Variants in SCFD2 observed in about 807,000 individuals in gnomAD.
SCFD2 encodes sec1 family domain-containing protein 2.
SCFD2 carries 54 observed loss-of-function variants against 58.9 expected under a neutral mutation model. The ratio of observed to expected loss-of-function variants is 0.92; its 90% CI spans 0.74 to 1.15. SCFD2 has a LOEUF of 1.15. Among genes scored for constraint, SCFD2 ranks in the 50% most tolerant of loss-of-function variants. The probability of loss-of-function intolerance (pLI) is 0.00; values close to 1 mark genes in which losing one functional copy is unlikely to be tolerated. For synonymous variants in SCFD2, 321 were observed against 335.9 expected (o/e 0.96, Z 0.49); for missense variants, 805 against 836.6 (o/e 0.96, Z 0.47).
At chr4:53,218,580 G>C (rs1023632151) in intron 4 of SCFD2, among the ~76,000 whole-genome samples, 2 of 152,128 alleles carry the variant, frequency 1.3e-5, no homozygotes, top group African/African-American at 4.8e-5. Context: ...CTTTGCGATG[G>C]GTTTGCACTT....
chr4:53,000,920 C>T (rs189585580), intron 5 of SCFD2, among the ~76,000 whole-genome samples: 51 of 152,286 alleles, frequency 3.3e-4, no homozygotes, highest in African/African-American at 4.3e-4. Context: ...GTCCATGACC[C>T]GGGGGTTTGG....
intron 5 of SCFD2, among the ~76,000 whole-genome samples, chr4:52,985,856 T>C (rs1721479846): frequency 6.6e-6 from 1 of 151,774 alleles, no homozygotes; most frequent in African/African-American, 2.4e-5. Flanking sequence ...GCCCTACATG[T>C]ACTAGGAAAT....
At chr4:53,338,813 C>T (rs1733766497) in intron 2 of SCFD2, among the ~76,000 whole-genome samples, 1 of 151,692 alleles carries the variant, frequency 6.6e-6, no homozygotes, top group South Asian at 2.1e-4. Flanking sequence ...ATCTCCTGAC[C>T]TCGTGATCCG....
intron 4 of SCFD2, among the ~76,000 whole-genome samples, chr4:53,250,733 A>G (rs1167712683): frequency 2.0e-5 from 3 of 152,244 alleles, no homozygotes; most frequent in Non-Finnish European, 4.4e-5. Flanking sequence ...TCTCTGGGAC[A>G]CATTCAAAGC....
At chr4:53,271,368 AGATTGCATAAATAAATTGTATATTTAT>A (rs1307691994) in intron 4 of SCFD2, among the ~76,000 whole-genome samples, 1 of 152,056 alleles carries the variant, frequency 6.6e-6, no homozygotes, top group Admixed American at 6.6e-5. Context: ...ACATCAGTAT[AGATTGCATAAATAAATTGTATATTTAT>A]GATGTGGTTT....
chr4:52,950,494 A>G (rs1258383893), intron 5 of SCFD2: 2 of 152,226 alleles, frequency 1.3e-5, no homozygotes, highest in Non-Finnish European at 1.5e-5. Flanking sequence ...TTACAGAACA[A>G]AGGGAATCTA....
At chr4:53,325,224 T>TA (rs34208247) in intron 2 of SCFD2, among the ~76,000 whole-genome samples, 14,626 of 133,276 alleles carry the variant, frequency 0.11, 1,073 homozygotes, top group South Asian at 0.21. Flanking sequence ...TTTGTGACAG[T>TA]AAAAAAAAAA....
chr4:53,214,795 G>T (rs867342956), intron 4 of SCFD2, among the ~76,000 whole-genome samples: 64 of 152,070 alleles, frequency 4.2e-4, no homozygotes, highest in African/African-American at 1.5e-3. Flanking sequence ...GGTCTAACAT[G>T]TAAGTCTTTA....
At chr4:52,961,209 C>A (rs1223193149) in intron 5 of SCFD2, among the ~76,000 whole-genome samples, 1 of 152,170 alleles carries the variant, frequency 6.6e-6, no homozygotes, top group Non-Finnish European at 1.5e-5. Flanking sequence ...GCCCATAATC[C>A]AGATCAGTCT....
Position 53,112,238 on chromosome 4 carries a change from G to T in SCFD2, c.1561+33095C>A, listed in dbSNP as rs140549531. 1.3e-3 allele frequency among the ~76,000 whole-genome samples: 197 copies of T among 152,238 alleles called. 1 individual carries two copies. In the East Asian group the frequency reaches 0.014, roughly 11 times the overall value. ...CCTGAAGGAAAACGAAGGGAAAAGA[G>T]AATGAAAGGTGGAGTTTTTTGAGGA... On this transcript the variant is annotated intron_variant, in intron 5 of 8. Transcript: ENST00000401642.
intron 5 of SCFD2, among the ~76,000 whole-genome samples, chr4:52,938,490 T>G (rs1720200627): frequency 1.3e-5 from 2 of 152,194 alleles, no homozygotes; most frequent in Admixed American, 6.5e-5. Context: ...GTTTAAATTA[T>G]GACAAACCTA....
rs189591562 is a variant in SCFD2 at position 53,300,954 on chromosome 4, G to A, written c.1135+12682C>T. ...CTCTGGGACACATTCGAAGCAGTGT[G>A]TAGAGGGAAATTTATAGCACTAAAT... On this transcript the variant is annotated intron_variant, in intron 3 of 8. Transcript: ENST00000401642. 5.1e-3 allele frequency among the ~76,000 whole-genome samples: 783 copies of A among 152,334 alleles called. 3 individuals carry two copies. Among genetic ancestry groups the A allele is most frequent in the African/African-American group, 0.011 (476 of 41,568 alleles).
intron 5 of SCFD2, among the ~76,000 whole-genome samples, chr4:53,128,511 A>G (rs1331442853): frequency 6.6e-6 from 1 of 152,166 alleles, no homozygotes; most frequent in Non-Finnish European, 1.5e-5. Flanking sequence ...GCAGCCTCCC[A>G]AGGTGACCAG....
In SCFD2 at chr4:53,203,752, T is replaced by C. The variant is rs369662795; in HGVS notation, c.1312-58170A>G. 3.0e-4 allele frequency among the ~76,000 whole-genome samples: 46 copies of C among 152,154 alleles called. 1 individual carries two copies. The highest frequency in any genetic ancestry group is 1.5e-3 in the East Asian group (8 of 5,178). On this transcript the variant is annotated intron_variant, in intron 4 of 8. Coordinates refer to ENST00000401642, the MANE Select transcript of SCFD2 (RefSeq NM_152540.4). ...GAAAGGCTCAGGAAATGGCAGCAAG[T>C]GTTTATTCTAAAATTGGGAGGGAAT...
intron 5 of SCFD2, among the ~76,000 whole-genome samples, chr4:52,990,562 G>A (rs986465084): frequency 1.3e-5 from 2 of 152,158 alleles, no homozygotes; most frequent in African/African-American, 2.4e-5. Context: ...AGAAAATGAC[G>A]TGCAGATGGT....
At chr4:53,067,638 T>C (rs1301104799) in intron 5 of SCFD2, among the ~76,000 whole-genome samples, 1 of 152,060 alleles carries the variant, frequency 6.6e-6, no homozygotes, top group East Asian at 1.9e-4. Context: ...TTCATTCTTC[T>C]CTCACCTGCT....
At chr4:53,236,010 A>G (rs1468703710) in intron 4 of SCFD2, among the ~76,000 whole-genome samples, 2 of 152,180 alleles carry the variant, frequency 1.3e-5, no homozygotes, top group African/African-American at 2.4e-5. Flanking sequence ...GATGGTTAAT[A>G]TTGAGTGTAA....
At chr4:52,972,495 A>C (rs1231056244) in intron 5 of SCFD2, among the ~76,000 whole-genome samples, 1 of 152,242 alleles carries the variant, frequency 6.6e-6, no homozygotes, top group Non-Finnish European at 1.5e-5. Context: ...CACCCAATAC[A>C]GGAGCACCCA....
intron 5 of SCFD2, among the ~76,000 whole-genome samples, chr4:53,086,290 A>G (rs1724302489): frequency 6.6e-6 from 1 of 152,242 alleles, no homozygotes; most frequent in African/African-American, 2.4e-5. Flanking sequence ...GGTGTTCAAT[A>G]TCATTGATAA....
Sources: allele counts gnomAD v4.1 joint callset (sites outside exome capture counted in the v4.1 genomes callset), GRCh38; gene constraint gnomAD v4.1.1; transcripts MANE v1.5; gene names NCBI Gene and HGNC (gene_info 2026-07-23, HGNC 2026-07-21).